Variants in COL11A1 observed in about 807,000 individuals in gnomAD.
The protein encoded by COL11A1 is collagen alpha-1(XI) chain.
In COL11A1, 74 loss-of-function variants were observed where a neutral mutation model predicts 265.2. The observed-to-expected ratio is 0.28, with a 90% confidence interval of 0.23 to 0.34. COL11A1 has a LOEUF of 0.34. Among genes scored for constraint, COL11A1 ranks in the 10% least tolerant of loss-of-function variants. The pLI is 1.00. For synonymous variants in COL11A1, 816 were observed against 727.6 expected (o/e 1.12, Z -1.96); for missense variants, 2,165 against 2,263.6 (o/e 0.96, Z 0.88).
Position 103,018,806 on chromosome 1 carries a change from A to C in COL11A1, c.1350+12T>G, listed in dbSNP as rs778194877. 1.2e-6 allele frequency: 2 copies of C among 1,607,658 alleles called. No individual in the cohort carries two copies. The highest frequency in any genetic ancestry group is 1.7e-5 in the Admixed American group (1 of 59,972). ...TTAAATAGACAAAAATAATCTTAAA[A>C]CATTTACATACTGCAGGTCCTGCTG... On this transcript the variant is annotated intron_variant, in intron 10 of 66. Coordinates refer to ENST00000370096, the MANE Select transcript of COL11A1 (RefSeq NM_001854.4).
chr1:103,086,643 C>G (rs948009057), intron 1 of COL11A1, among the ~76,000 whole-genome samples: 6 of 152,072 alleles, frequency 3.9e-5, no homozygotes, highest in Admixed American at 3.3e-4. Flanking sequence ...GTCTTGATCT[C>G]CTGACTTCCT....
At chr1:103,017,629 A>G (rs1041216486) in intron 11 of COL11A1, among the ~76,000 whole-genome samples, 191 bp downstream of exon 11, 1 of 152,178 alleles carries the variant, frequency 6.6e-6, no homozygotes, top group African/African-American at 2.4e-5. Flanking sequence ...CCATAGATAA[A>G]TGCACATTGT....
At chr1:102,905,318 A>G (rs1653823422) in intron 54 of COL11A1, among the ~76,000 whole-genome samples, 1 of 151,534 alleles carries the variant, frequency 6.6e-6, no homozygotes, top group South Asian at 2.1e-4. Flanking sequence ...GCACATGTAT[A>G]CATATGTAAC....
chr1:103,097,644 A>G (rs1297062919), intron 1 of COL11A1, among the ~76,000 whole-genome samples: 1 of 152,014 alleles, frequency 6.6e-6, no homozygotes, highest in Non-Finnish European at 1.5e-5. Flanking sequence ...ATCTTTGCCC[A>G]CCAACTACCT....
intron 53 of COL11A1, among the ~76,000 whole-genome samples, chr1:102,913,205 C>T (rs983305478): frequency 1.3e-5 from 2 of 150,456 alleles, no homozygotes; most frequent in South Asian, 4.2e-4. Context: ...CTGTATCATT[C>T]ACAAGTTTTT....
intron 46 of COL11A1, among the ~76,000 whole-genome samples, chr1:102,931,966 T>TA (rs1186209213): frequency 2.0e-5 from 3 of 150,734 alleles, no homozygotes; most frequent in Non-Finnish European, 4.4e-5. Context: ...TCCATCCTTT[T>TA]ATTTTGAGCC....
At position 102,898,810 on chromosome 1, in the gene COL11A1, G is replaced by A. The variant is rs367986296; in HGVS notation, c.4141-37C>T. On this transcript the variant is annotated intron_variant, in intron 55 of 66. Coordinates refer to ENST00000370096, the MANE Select transcript of COL11A1 (RefSeq NM_001854.4). ...TAAAATATGGGAGCACATTAGTGAT[G>A]AGAAAATACTTTTATTATTTTATTA... 7 of 1,570,412 alleles carry A rather than the reference G, an allele frequency of 4.5e-6. No homozygotes were observed. The African/African-American group carries it at 5.4e-5, about 12-fold the overall frequency.
At chr1:103,037,852 C>T (rs781233745) in intron 4 of COL11A1, among the ~76,000 whole-genome samples, 6 of 151,930 alleles carry the variant, frequency 3.9e-5, no homozygotes, top group Non-Finnish European at 7.4e-5. Flanking sequence ...GACTATATAC[C>T]TTATTGAACT....
rs1273156794 is a variant in COL11A1 at position 102,926,075 on chromosome 1, AATTT to A, written c.3601-2690_3601-2687del. On this transcript the variant is annotated intron_variant, in intron 46 of 66. Transcript: ENST00000370096. ...CAATAAAAATATCCCAATAGAAAAA[AATTT>A]ATTTATTTTTAATTCAGTTAGATCA... Among the ~76,000 whole-genome samples, 15 of 152,166 alleles carry A rather than the reference AATTT, an allele frequency of 9.9e-5. No individual in the cohort carries two copies. The South Asian group carries it at 1.4e-3, about 15-fold the overall frequency.
intron 15 of COL11A1, among the ~76,000 whole-genome samples, chr1:103,007,143 C>T (rs1399789244): frequency 1.3e-5 from 2 of 152,080 alleles, no homozygotes; most frequent in Non-Finnish European, 2.9e-5. Context: ...CACTATACTC[C>T]TAAAATTTAG....
chr1:103,004,178 A>G (rs934321901), intron 20 of COL11A1, among the ~76,000 whole-genome samples: 1 of 152,196 alleles, frequency 6.6e-6, no homozygotes, highest in Non-Finnish European at 1.5e-5. Context: ...CAAAACAAAG[A>G]AACAGCAACA....
At chr1:102,953,797 T>C (rs1040556548) in intron 41 of COL11A1, among the ~76,000 whole-genome samples, 9 of 152,184 alleles carry the variant, frequency 5.9e-5, no homozygotes, top group African/African-American at 2.2e-4. Context: ...TTTTCCACCA[T>C]TAATATGGCA....
At chr1:102,923,301 C>T in intron 47 of COL11A1, 35 bp downstream of exon 47, 1 of 1,560,750 alleles carries the variant, frequency 6.4e-7, no homozygotes, top group Non-Finnish European at 8.8e-7. Flanking sequence ...ATGCATATAA[C>T]ACATACCCAT....
chr1:103,102,981 T>C (rs900950579), intron 1 of COL11A1, among the ~76,000 whole-genome samples: 2 of 152,042 alleles, frequency 1.3e-5, no homozygotes, highest in Non-Finnish European at 2.9e-5. Context: ...TAATAGTTGT[T>C]GACAACACAA....
chr1:103,025,983 A>G, intron 6 of COL11A1: 1 of 1,594,320 alleles, frequency 6.3e-7, no homozygotes, highest in South Asian at 1.1e-5. Flanking sequence ...TGGAATGGAA[A>G]ACATAAATAA....
At chr1:102,962,832 AGT>A in intron 38 of COL11A1, 72 bp from the exon 39 acceptor site, 1 of 1,385,258 alleles carries the variant, frequency 7.2e-7, no homozygotes, top group South Asian at 1.2e-5. Context: ...ACTCAAAAAC[AGT>A]ATTATTACAT....
intron 41 of COL11A1, among the ~76,000 whole-genome samples, chr1:102,960,751 A>T (rs1489944666): frequency 1.3e-5 from 2 of 152,034 alleles, no homozygotes; most frequent in African/African-American, 2.4e-5. Context: ...AAGGGAAAAA[A>T]AAAGGACTAT....
chr1:103,031,274 A>G (rs996824581), intron 4 of COL11A1, 30 bp from the exon 5 acceptor site: 44 of 1,595,000 alleles, frequency 2.8e-5, no homozygotes, highest in East Asian at 4.5e-5. Flanking sequence ...AAAAACAAAC[A>G]GACACAGATT....
In COL11A1 at chr1:102,890,569, T is replaced by A; in HGVS notation, c.4303-65A>T. The A allele has an allele frequency of 4.4e-6, 6 of 1,349,716 alleles. No individual in the cohort carries two copies. In the South Asian group the frequency reaches 8.1e-5, roughly 18 times the overall value. The allele number at this position is 1,349,716 out of a possible 1,614,324, so 83.6% of individuals were successfully genotyped here. ...AGTAGGTATGAATTAGAGAATCCTA[T>A]AACTAGTCACAGACCTAGTTTAGTT... On this transcript the variant is annotated intron_variant, in intron 57 of 66. Transcript: ENST00000370096.
Sources: allele counts gnomAD v4.1 joint callset (sites outside exome capture counted in the v4.1 genomes callset), GRCh38; gene constraint gnomAD v4.1.1; transcripts MANE v1.5; gene names NCBI Gene and HGNC (gene_info 2026-07-23, HGNC 2026-07-21).